MFSD1: variants seen among roughly 807,000 people sequenced by gnomAD.
MFSD1 encodes lysosomal dipeptide transporter MFSD1.
MFSD1 carries 59 observed loss-of-function variants against 67.1 expected under a neutral mutation model. The observed-to-expected ratio is 0.88, with a 90% CI of 0.71 to 1.09. MFSD1 has a LOEUF of 1.09. Among genes scored for constraint, MFSD1 ranks in the 50% least tolerant of loss-of-function variants. The probability of loss-of-function intolerance (pLI) is 0.00; values close to 1 mark genes in which losing one functional copy is unlikely to be tolerated. For missense variants in MFSD1, 552 were observed against 566.1 expected (o/e 0.97, Z 0.25); for synonymous variants, 213 against 200.3 (o/e 1.06, Z -0.54).
intron 6 of MFSD1, among the ~76,000 whole-genome samples, chr3:158,810,148 T>C (rs1729925213): frequency 6.6e-6 from 1 of 152,154 alleles, no homozygotes; most frequent in African/African-American, 2.4e-5. Context: ...CCTCAGCCTA[T>C]AGAATAGTGA....
intron 14 of MFSD1, among the ~76,000 whole-genome samples, chr3:158,826,512 T>G (rs1730971035): frequency 6.6e-6 from 1 of 151,926 alleles, no homozygotes; most frequent in Non-Finnish European, 1.5e-5. Flanking sequence ...TTAGTGGATT[T>G]TTGTTGTTGT....
intron 3 of MFSD1, 57 bp downstream of exon 3, chr3:158,805,531 G>A: frequency 8.1e-7 from 1 of 1,227,452 alleles, no homozygotes. Flanking sequence ...AAAATACAGA[G>A]CTAGATTAAG....
chr3:158,821,030 G>A (rs1276737762), intron 9 of MFSD1, among the ~76,000 whole-genome samples: 1 of 152,190 alleles, frequency 6.6e-6, no homozygotes, highest in Non-Finnish European at 1.5e-5. Context: ...AATGGAGACT[G>A]TTTATTGGTG....
intron 9 of MFSD1, 79 bp downstream of exon 9, chr3:158,820,405 C>A: frequency 1.0e-6 from 1 of 965,056 alleles, no homozygotes; most frequent in Non-Finnish European, 1.6e-6. Flanking sequence ...GTTTTTAAAG[C>A]AGTAAATCTT....
intron 11 of MFSD1, 93 bp downstream of exon 11, chr3:158,822,233 C>G: frequency 8.0e-7 from 1 of 1,249,418 alleles, no homozygotes; most frequent in Non-Finnish European, 1.1e-6. Flanking sequence ...ATTCAGATGA[C>G]AAGGCCTATG....
intron 3 of MFSD1, among the ~76,000 whole-genome samples, chr3:158,806,801 C>T (rs932879258): frequency 5.3e-5 from 8 of 152,062 alleles, no homozygotes; most frequent in South Asian, 2.1e-4. Flanking sequence ...CTAAAGCCTC[C>T]GGAATCCCCT....
At chr3:158,828,572 A>G (rs1731131698) in intron 15 of MFSD1, among the ~76,000 whole-genome samples, 1 of 152,172 alleles carries the variant, frequency 6.6e-6, no homozygotes, top group South Asian at 2.1e-4. Flanking sequence ...ACCATGTTTT[A>G]GAAGGATTTT....
chr3:158,815,920 T>G (rs1198382739), intron 7 of MFSD1, among the ~76,000 whole-genome samples: 1 of 152,048 alleles, frequency 6.6e-6, no homozygotes, highest in Non-Finnish European at 1.5e-5. Flanking sequence ...TTTTTGTCCT[T>G]GTGATAGTTT....
intron 5 of MFSD1, among the ~76,000 whole-genome samples, chr3:158,807,702 T>C (rs1359376487): frequency 1.3e-5 from 2 of 152,224 alleles, no homozygotes; most frequent in Non-Finnish European, 2.9e-5. Flanking sequence ...CTGGAAATGA[T>C]ATTTTTCCCA....
chr3:158,820,797 G>C (rs2108229120), intron 9 of MFSD1, among the ~76,000 whole-genome samples: 1 of 152,194 alleles, frequency 6.6e-6, no homozygotes, highest in East Asian at 1.9e-4. Flanking sequence ...GAACAGCTTG[G>C]GGGAAACCAC....
intron 7 of MFSD1, among the ~76,000 whole-genome samples, chr3:158,818,162 T>C (rs10936160): frequency 0.35 from 53,014 of 152,032 alleles, 9,384 homozygotes; most frequent in Middle Eastern, 0.41. Context: ...ACCTGTGTGA[T>C]GATAGGGTGA....
intron 1 of MFSD1, 146 bp downstream of exon 1, chr3:158,802,461 C>A: frequency 1.1e-6 from 1 of 940,194 alleles, no homozygotes; most frequent in Non-Finnish European, 1.7e-6. Flanking sequence ...TTCCCCTTTG[C>A]GATCGATTCC....
At chr3:158,825,706 C>T (rs915940151) in intron 13 of MFSD1, among the ~76,000 whole-genome samples, 1 of 152,192 alleles carries the variant, frequency 6.6e-6, no homozygotes, top group East Asian at 1.9e-4. Flanking sequence ...TGCAAAGGAC[C>T]AGCACTGAGA....
At chr3:158,825,354 C>G (rs1350865554) in intron 13 of MFSD1, 1 of 152,214 alleles carries the variant, frequency 6.6e-6, no homozygotes, top group Non-Finnish European at 1.5e-5. Flanking sequence ...AAGATGCTGT[C>G]TCACTGTGTT....
chr3:158,806,863 C>T (rs1729752089), intron 3 of MFSD1, among the ~76,000 whole-genome samples, 177 bp from the exon 4 acceptor site: 1 of 152,096 alleles, frequency 6.6e-6, no homozygotes, highest in African/African-American at 2.4e-5. Context: ...TTGCTGGCTT[C>T]AGAGGGAGAT....
chr3:158,807,004 TC>T (rs754255364), intron 3 of MFSD1, 35 bp from the exon 4 acceptor site: 9 of 1,566,914 alleles, frequency 5.7e-6, no homozygotes, highest in Non-Finnish European at 7.8e-6. Context: ...TTTTTCTTTT[TC>T]TTTTTCTCAT....
At chr3:158,824,406 C>T (rs944748967) in intron 13 of MFSD1, 170 bp downstream of exon 13, 2 of 595,138 alleles carry the variant, frequency 3.4e-6, no homozygotes, top group African/African-American at 3.7e-5. Flanking sequence ...TTAGGAGATT[C>T]CTATCCTTAA....
intron 9 of MFSD1, among the ~76,000 whole-genome samples, chr3:158,821,027 A>G (rs547018518): frequency 6.6e-6 from 1 of 152,080 alleles, no homozygotes; most frequent in East Asian, 1.9e-4. Flanking sequence ...GAGAATGGAG[A>G]CTGTTTATTG....
intron 4 of MFSD1, 39 bp downstream of exon 4, chr3:158,807,121 A>G (rs1451843565): frequency 1.3e-6 from 2 of 1,558,962 alleles, no homozygotes; most frequent in Non-Finnish European, 1.8e-6. Context: ...ATTGACAGTG[A>G]CTTCTAAATT....
Sources: allele counts gnomAD v4.1 joint callset (sites outside exome capture counted in the v4.1 genomes callset), GRCh38; gene constraint gnomAD v4.1.1; transcripts MANE v1.5; gene names NCBI Gene and HGNC (gene_info 2026-07-23, HGNC 2026-07-21).